The following ADAM19 variants were observed in gnomAD, a reference collection of about 807,000 sequenced individuals.
The protein encoded by ADAM19 is disintegrin and metalloproteinase domain-containing protein 19.
In ADAM19, 65 loss-of-function variants were observed where a neutral mutation model predicts 114.7. The ratio of observed to expected loss-of-function variants is 0.57; its 90% CI spans 0.46 to 0.70. ADAM19 has a LOEUF of 0.70. Ranked by LOEUF, ADAM19 falls within the 30% of genes least tolerant of loss-of-function variation. The pLI is 0.00. For synonymous variants in ADAM19, 466 were observed against 460.5 expected (o/e 1.01, Z -0.15); for missense variants, 1,063 against 1,204.7 (o/e 0.88, Z 1.74).
chr5:157,521,159 C>A (rs1756275314), intron 5 of ADAM19, among the ~76,000 whole-genome samples: 1 of 152,172 alleles, frequency 6.6e-6, no homozygotes, highest in Admixed American at 6.5e-5. Flanking sequence ...CTAGCCTCAG[C>A]AAGAAAGAGG....
chr5:157,560,217 A>G (rs1325730688), intron 3 of ADAM19, among the ~76,000 whole-genome samples: 35 of 137,428 alleles, frequency 2.5e-4, no homozygotes, highest in African/African-American at 9.1e-4. Flanking sequence ...GTGAGCCGAG[A>G]TCCCGCCACT....
In ADAM19 at chr5:157,479,332, G is replaced by C. The variant is rs559773278; in HGVS notation, c.*1617C>G. 5.1e-6 allele frequency: 5 copies of C among 985,876 alleles called. No individual in the cohort carries two copies. The African/African-American group carries it at 8.7e-5, about 17-fold the overall frequency. 61.1% of individuals were successfully genotyped at this position (985,876 alleles called of 1,614,324 possible). ...AACTATAAGGAGGCCCTGGGGTGGTGAATCAGAAGCTCAGCCTCAGCCTTG... is the reference window on the plus strand; with the variant it reads ...AACTATAAGGAGGCCCTGGGGTGGTCAATCAGAAGCTCAGCCTCAGCCTTG... On this transcript the variant is annotated 3_prime_UTR_variant, in exon 23 of 23. Transcript: ENST00000257527.
Position 157,537,153 on chromosome 5 carries a change from G to T in ADAM19, c.330+760C>A, listed in dbSNP as rs1441637605. 2.0e-5 allele frequency among the ~76,000 whole-genome samples: 3 copies of T among 152,170 alleles called. No homozygotes were observed. The East Asian group carries it at 5.8e-4, about 29-fold the overall frequency. Reference sequence around the variant, plus strand: ...AAAAATTGCCTGCAAACATTGCCAGGTGTCCCTCGGGGTCGGGGCAACGCC... The same window carrying T: ...AAAAATTGCCTGCAAACATTGCCAGTTGTCCCTCGGGGTCGGGGCAACGCC... On this transcript the variant is annotated intron_variant, in intron 4 of 22. Coordinates refer to ENST00000257527, the MANE Select transcript of ADAM19 (RefSeq NM_033274.5).
intron 3 of ADAM19, among the ~76,000 whole-genome samples, chr5:157,548,428 G>A (rs1262775151): frequency 1.3e-5 from 2 of 152,210 alleles, no homozygotes; most frequent in African/African-American, 4.8e-5. Flanking sequence ...TGAAGGAAGA[G>A]AAGAAAGGAA....
At chr5:157,549,836 A>G (rs1176496259) in intron 3 of ADAM19, among the ~76,000 whole-genome samples, 1 of 152,230 alleles carries the variant, frequency 6.6e-6, no homozygotes. Flanking sequence ...GAGAAAAATT[A>G]GCTCGAGCTT....
intron 14 of ADAM19, 147 bp downstream of exon 14, chr5:157,496,747 G>C (rs1216950190): frequency 1.1e-5 from 7 of 649,288 alleles, no homozygotes; most frequent in Non-Finnish European, 1.5e-5. Flanking sequence ...GGTTCTCCCT[G>C]AACATCTACC....
intron 9 of ADAM19, 22 bp from the exon 10 acceptor site, chr5:157,507,162 G>A (rs1250823445): frequency 2.0e-5 from 32 of 1,611,270 alleles, no homozygotes; most frequent in Non-Finnish European, 2.6e-5. Flanking sequence ...AAGGAGAGAC[G>A]GTGACCGGGG....
At chr5:157,483,161 TA>T (rs1335087004) in intron 21 of ADAM19, among the ~76,000 whole-genome samples, 26 of 152,196 alleles carry the variant, frequency 1.7e-4, no homozygotes, top group Admixed American at 1.4e-3. Flanking sequence ...TATACCTATG[TA>T]ACAAATCTGC....
intron 8 of ADAM19, among the ~76,000 whole-genome samples, chr5:157,511,381 T>C (rs1755915158): frequency 6.6e-6 from 1 of 152,204 alleles, no homozygotes; most frequent in Admixed American, 6.5e-5. Context: ...AAGAAGATGG[T>C]GGAGCCAGGA....
intron 3 of ADAM19, among the ~76,000 whole-genome samples, chr5:157,553,355 T>C (rs912353765): frequency 6.6e-6 from 1 of 152,174 alleles, no homozygotes; most frequent in Non-Finnish European, 1.5e-5. Context: ...AAGGAAAAGA[T>C]AAAATTACTG....
chr5:157,531,765 C>A (rs527553319), intron 4 of ADAM19, among the ~76,000 whole-genome samples: 2 of 151,618 alleles, frequency 1.3e-5, no homozygotes, highest in East Asian at 3.9e-4. Context: ...GAAGGACACA[C>A]AGACACACAC....
rs1433062666 is a variant in ADAM19 at position 157,480,315 on chromosome 5, CAG to C, written c.*632_*633del. ...GCCTACGAATAGTACCTGTCTGAGTCAGAGTGACCCGTGTGAATACAGGGATG... is the reference window on the plus strand; with the variant it reads ...GCCTACGAATAGTACCTGTCTGAGTCAGTGACCCGTGTGAATACAGGGATG... On this transcript the variant is annotated 3_prime_UTR_variant, in exon 23 of 23. Transcript: ENST00000257527. The C allele has an allele frequency of 2.0e-6, 2 of 986,258 alleles. No homozygotes were observed. Among genetic ancestry groups the C allele is most frequent in the East Asian group, 1.1e-4 (1 of 8,840 alleles). The allele number at this position is 986,258 out of a possible 1,614,324, so 61.1% of individuals were successfully genotyped here. A position where few individuals can be genotyped will look rare whatever the true frequency, so the allele number is the denominator to read the frequency against.
intron 1 of ADAM19, among the ~76,000 whole-genome samples, chr5:157,571,465 T>C (rs1183339505): frequency 2.0e-5 from 3 of 152,052 alleles, no homozygotes; most frequent in Non-Finnish European, 4.4e-5. Flanking sequence ...TAGGGGTAGC[T>C]AGTAAATGAA....
intron 3 of ADAM19, among the ~76,000 whole-genome samples, chr5:157,557,280 C>A (rs1397482009): frequency 6.6e-6 from 1 of 152,184 alleles, no homozygotes; most frequent in African/African-American, 2.4e-5. Flanking sequence ...GACCACCCAA[C>A]CGGAAGTGTC....
At chr5:157,504,983 G>A (rs1311718641) in intron 11 of ADAM19, among the ~76,000 whole-genome samples, 5 of 151,934 alleles carry the variant, frequency 3.3e-5, no homozygotes, top group African/African-American at 1.2e-4. Context: ...GCCGGGCATG[G>A]TGGCAGGCGC....
chr5:157,487,736 T>C (rs1754990868), intron 21 of ADAM19, among the ~76,000 whole-genome samples: 1 of 152,222 alleles, frequency 6.6e-6, no homozygotes, highest in African/African-American at 2.4e-5. Flanking sequence ...GGCATCAGGA[T>C]ACATCCCTAA....
At chr5:157,490,163 T>C in intron 19 of ADAM19, 147 bp downstream of exon 19, 1 of 808,176 alleles carries the variant, frequency 1.2e-6, no homozygotes, top group South Asian at 1.8e-5. Flanking sequence ...CCTGTCACAG[T>C]CATAGCAGGG....
At position 157,480,494 on chromosome 5, in the gene ADAM19, T is replaced by C; in HGVS notation, c.*455A>G. On this transcript the variant is annotated 3_prime_UTR_variant, in exon 23 of 23. Transcript: ENST00000257527. ...CTAAAAGCTAAAAGGGGTGGGTAAGTACCAGCCTCCATCCAGCCCGGGACC... is the reference window on the plus strand; with the variant it reads ...CTAAAAGCTAAAAGGGGTGGGTAAGCACCAGCCTCCATCCAGCCCGGGACC... 2.0e-6 allele frequency: 2 copies of C among 995,786 alleles called. No homozygotes were observed. The highest frequency in any genetic ancestry group is 2.4e-6 in the Non-Finnish European group (2 of 836,574). The allele number at this position is 995,786 out of a possible 1,614,324, so 61.7% of individuals were successfully genotyped here.
chr5:157,562,331 C>T lies in ADAM19; in HGVS notation c.251+2042G>A, dbSNP rs539709435. Among the ~76,000 whole-genome samples, 10 of 152,358 alleles carry T rather than the reference C, an allele frequency of 6.6e-5. No homozygotes were observed. In the South Asian group the frequency reaches 1.9e-3, roughly 28 times the overall value. On this transcript the variant is annotated intron_variant, in intron 3 of 22. Transcript: ENST00000257527. ...GCCAATTCAAGGAGGCCAGGAACCA[C>T]ATCCAGCCCCATGCGGCTCAATGGG...
Sources: gnomAD v4.1 joint callset for allele counts (sites outside exome capture counted in the v4.1 genomes callset) on GRCh38, gnomAD v4.1.1 for gene constraint, MANE v1.5 for transcripts, NCBI Gene and HGNC (gene_info 2026-07-23, HGNC 2026-07-21) for gene names.